The following SENP7 variants were observed in gnomAD, a reference collection of about 807,000 sequenced individuals.
The protein encoded by SENP7 is sentrin-specific protease 7.
A neutral mutation model predicts 141.2 loss-of-function variants in SENP7; 64 were observed. The ratio of observed to expected loss-of-function variants is 0.45; its 90% confidence interval spans 0.37 to 0.56. The LOEUF is 0.56. Among genes scored for constraint, SENP7 ranks in the 20% least tolerant of loss-of-function variants. SENP7 has a pLI of 0.00. For synonymous variants in SENP7, 382 were observed against 426.4 expected (o/e 0.90, Z 1.28); for missense variants, 1,025 against 1,212.2 (o/e 0.85, Z 2.29).
intron 6 of SENP7, among the ~76,000 whole-genome samples, chr3:101,383,988 C>G (rs1041405218): frequency 3.3e-5 from 5 of 152,194 alleles, no homozygotes; most frequent in Non-Finnish European, 7.4e-5. Flanking sequence ...GACCAATAAG[C>G]GTGCACTTCC....
At position 101,332,877 on chromosome 3, in the gene SENP7, G is replaced by T; in HGVS notation, c.2481-15C>A. 6.4e-7 allele frequency: 1 copy of T among 1,569,230 alleles called. No homozygotes were observed. On this transcript the variant is annotated splice_polypyrimidine_tract_variant and intron_variant, in intron 17 of 23. Transcript: ENST00000394095. Reference sequence around the variant, plus strand: ...TCTGTGCCATTCTGAGAGTATGAAAGACAGATTTGATATATAAAAATTTTT... The same window carrying T: ...TCTGTGCCATTCTGAGAGTATGAAATACAGATTTGATATATAAAAATTTTT...
At chr3:101,339,655 T>C (rs754221667) in intron 16 of SENP7, among the ~76,000 whole-genome samples, 2 of 151,818 alleles carry the variant, frequency 1.3e-5, no homozygotes, top group African/African-American at 4.8e-5. Flanking sequence ...GAGGCAGAGG[T>C]TGCAGTGAGC....
chr3:101,478,329 G>A lies in SENP7; in HGVS notation c.186+15544C>T, dbSNP rs1188683195. ...GTCCAGGAGTTTAAGAACAGCCTAG[G>A]CAATACAGCAAGACCCCACCTCTAC... On this transcript the variant is annotated intron_variant, in intron 3 of 23. Coordinates refer to ENST00000394095, the MANE Select transcript of SENP7 (RefSeq NM_020654.5). 2.6e-5 allele frequency among the ~76,000 whole-genome samples: 4 copies of A among 151,990 alleles called. No homozygotes were observed. In the East Asian group the frequency reaches 7.7e-4, roughly 29 times the overall value.
At chr3:101,341,575 T>C in intron 15 of SENP7, 71 bp downstream of exon 15, 1 of 1,288,252 alleles carries the variant, frequency 7.8e-7, no homozygotes, top group Non-Finnish European at 1.0e-6. Flanking sequence ...GTTAAACTAC[T>C]GAAAAGCAGC....
chr3:101,360,592 A>G (rs1387225171), intron 11 of SENP7, among the ~76,000 whole-genome samples: 1 of 152,240 alleles, frequency 6.6e-6, no homozygotes, highest in African/African-American at 2.4e-5. Flanking sequence ...ACTAAATCTG[A>G]CACAGTCACT....
intron 3 of SENP7, among the ~76,000 whole-genome samples, chr3:101,485,363 C>G (rs142435996): frequency 2.0e-5 from 3 of 152,036 alleles, no homozygotes; most frequent in Admixed American, 2.0e-4. Flanking sequence ...CATTGCACCC[C>G]GCCACTACCT....
chr3:101,463,380 T>TATATATATATATATATATAA (rs1553744722), intron 3 of SENP7, among the ~76,000 whole-genome samples: 1 of 72,142 alleles, frequency 1.4e-5, no homozygotes, highest in Non-Finnish European at 2.6e-5. Context: ...TATATATATA[T>TATATATATATATATATATAA]ATATATATAT....
At chr3:101,366,184 T>A (rs1042681030) in intron 9 of SENP7, among the ~76,000 whole-genome samples, 1 of 152,228 alleles carries the variant, frequency 6.6e-6, no homozygotes, top group Non-Finnish European at 1.5e-5. Flanking sequence ...GAGATGACAG[T>A]GTACTTACTA....
chr3:101,387,685 G>A (rs1396496947), intron 6 of SENP7, among the ~76,000 whole-genome samples: 1 of 152,198 alleles, frequency 6.6e-6, no homozygotes, highest in Non-Finnish European at 1.5e-5. Context: ...CAGGGAGCAT[G>A]AGGACAGGTA....
At chr3:101,431,888 GA>G (rs1318377825) in intron 4 of SENP7, among the ~76,000 whole-genome samples, 2 of 152,152 alleles carry the variant, frequency 1.3e-5, no homozygotes, top group Admixed American at 1.3e-4. Context: ...GTTTTTGAAA[GA>G]AAAGGAGTTA....
intron 6 of SENP7, among the ~76,000 whole-genome samples, chr3:101,386,568 G>T (rs2060658144): frequency 6.6e-6 from 1 of 152,144 alleles, no homozygotes; most frequent in East Asian, 1.9e-4. Flanking sequence ...CTGAAGGCCT[G>T]CTAACATTCC....
In SENP7 at chr3:101,335,940, G is replaced by A. The variant is rs138755497; in HGVS notation, c.2480+1569C>T. On this transcript the variant is annotated intron_variant, in intron 17 of 23. Transcript: ENST00000394095. Reference sequence around the variant, plus strand: ...TCAGGACAAATTCCAAACCTGTAAAGACACTCAAAATGGAGTTAATCATAC... The same window carrying A: ...TCAGGACAAATTCCAAACCTGTAAAAACACTCAAAATGGAGTTAATCATAC... Among the ~76,000 whole-genome samples the A allele has an allele frequency of 3.0e-3, 461 of 152,242 alleles. 2 individuals carry two copies. Among genetic ancestry groups the A allele is most frequent in the African/African-American group, 9.8e-3 (408 of 41,544 alleles).
At position 101,342,452 on chromosome 3, in the gene SENP7, T is replaced by C. The variant is rs536775307; in HGVS notation, c.2107-673A>G. Among the ~76,000 whole-genome samples the C allele has an allele frequency of 3.9e-5, 6 of 152,324 alleles. No homozygotes were observed. The South Asian group carries it at 1.0e-3, about 26-fold the overall frequency. On this transcript the variant is annotated intron_variant, in intron 14 of 23. Coordinates refer to ENST00000394095, the MANE Select transcript of SENP7 (RefSeq NM_020654.5). ...CTTACTATTGTTTTCAAGATAATTT[T>C]AGACTTACAAAAGAGTTGAAAGAAA...
Position 101,332,058 on chromosome 3 carries a change from C to G in SENP7, c.2625G>C (p.Val875=), listed in dbSNP as rs1341384306. ...ATACAGTTTGTGGAAAATCTTCATA[C>G]ACAGCTTCTTCTAACCATGGAAAAC... ...VICFPWLEEA[V]YEDFPQTVSQ... The change falls in exon 19 of 24, where the codon GTG becomes GTC. Residue 875 remains valine, a synonymous_variant. Transcript: ENST00000394095. 6.2e-7 allele frequency: 1 copy of G among 1,613,312 alleles called. No individual in the cohort carries two copies. The highest frequency in any genetic ancestry group is 1.3e-5 in the African/African-American group (1 of 74,872).
intron 23 of SENP7, 96 bp downstream of exon 23, chr3:101,327,570 C>G (rs1273866588): frequency 2.2e-6 from 2 of 905,106 alleles, no homozygotes; most frequent in Non-Finnish European, 1.6e-6. Context: ...TTGGGTATGT[C>G]TTTATTAGCA....
intron 3 of SENP7, among the ~76,000 whole-genome samples, chr3:101,482,128 G>A (rs746165718): frequency 1.8e-4 from 27 of 152,008 alleles, no homozygotes; most frequent in South Asian, 6.2e-4. Flanking sequence ...GGCTAACAAG[G>A]TGAAACCCTG....
chr3:101,462,824 T>C (rs28790912), intron 3 of SENP7, among the ~76,000 whole-genome samples: 60,081 of 151,072 alleles, frequency 0.4, 12,438 homozygotes, highest in Admixed American at 0.54. Context: ...GCCGAGATCA[T>C]GCCACTGCAC....
At chr3:101,347,591 GGGCA>G (rs2059497971) in intron 13 of SENP7, 2 of 170,970 alleles carry the variant, frequency 1.2e-5, no homozygotes, top group African/African-American at 4.8e-5. Flanking sequence ...GCACGGTGGC[GGGCA>G]CCTGTAGTCC....
At chr3:101,424,145 G>A (rs1203296024) in intron 4 of SENP7, among the ~76,000 whole-genome samples, 1 of 152,120 alleles carries the variant, frequency 6.6e-6, no homozygotes, top group East Asian at 1.9e-4. Context: ...TCCCAGGGCC[G>A]CAGCCTGGTG....
Sources: allele counts gnomAD v4.1 joint callset (sites outside exome capture counted in the v4.1 genomes callset), GRCh38; gene constraint gnomAD v4.1.1; transcripts MANE v1.5; gene names NCBI Gene and HGNC (gene_info 2026-07-23, HGNC 2026-07-21).